L3MBTL1: variants seen among roughly 807,000 people sequenced by gnomAD.
L3MBTL1 encodes lethal(3)malignant brain tumor-like protein 1.
Under a neutral mutation model 105.3 loss-of-function variants are expected in L3MBTL1, and 75 were observed. The ratio of observed to expected loss-of-function variants is 0.71; its 90% CI spans 0.59 to 0.86. The LOEUF (loss-of-function observed/expected upper bound fraction) is 0.86. Among genes scored for constraint, L3MBTL1 ranks in the 40% least tolerant of loss-of-function variants. The pLI is 0.00. For synonymous variants in L3MBTL1, 452 were observed against 436.2 expected (o/e 1.04, Z -0.45); for missense variants, 1,069 against 1,126.4 (o/e 0.95, Z 0.73).
intron 7 of L3MBTL1, among the ~76,000 whole-genome samples, chr20:43,528,106 T>G (rs2019126504): frequency 6.6e-6 from 1 of 152,158 alleles, no homozygotes; most frequent in South Asian, 2.1e-4. Context: ...TTGGCCAGGC[T>G]GGTCTCGAAC....
At chr20:43,517,488 G>T (rs2018462547) in intron 7 of L3MBTL1, among the ~76,000 whole-genome samples, 1 of 151,660 alleles carries the variant, frequency 6.6e-6, no homozygotes, top group Non-Finnish European at 1.5e-5. Context: ...CTACAGCCTG[G>T]GACTCCTGGG....
chr20:43,534,857 T>G lies in L3MBTL1; in HGVS notation c.1740T>G (p.Tyr580Ter), dbSNP rs1306106472. ...ACTTTGATGGCTGGAGTCATGGCTA[T>G]GATTTCTGGATCGACGCTGACCACC... Reference protein sequence around the residue: ...KIHFDGWSHGYDFWIDADHPD... With the variant: ...KIHFDGWSHG Residue 580 changes from tyrosine (Y) to a stop codon, truncating the protein, a stop_gained, in exon 16 of 22, where the codon TAT (tyrosine) becomes TAG (stop). Coordinates refer to ENST00000418998, the MANE Select transcript of L3MBTL1 (RefSeq NM_001377303.1). LOFTEE classifies it high-confidence loss of function. 2 of 1,611,772 alleles carry G rather than the reference T, an allele frequency of 1.2e-6. No homozygotes were observed. Among genetic ancestry groups the G allele is most frequent in the Non-Finnish European group, 1.7e-6 (2 of 1,179,688 alleles).
chr20:43,536,316 G>T (rs1347935949), intron 18 of L3MBTL1, 22 bp downstream of exon 18: 7 of 1,612,036 alleles, frequency 4.3e-6, no homozygotes, highest in Non-Finnish European at 5.9e-6. Context: ...AGGGAATCAG[G>T]GCCCGGGCTT....
intron 7 of L3MBTL1, among the ~76,000 whole-genome samples, chr20:43,521,716 TA>T (rs1354737902): frequency 1.3e-5 from 2 of 152,210 alleles, no homozygotes; most frequent in Non-Finnish European, 2.9e-5. Flanking sequence ...TTAATTATTT[TA>T]TTTTTTATCA....
rs764337971 is a variant in L3MBTL1, at chr20:43,528,665, GAGA to G, written c.877_879del (p.Lys293del). The G allele has an allele frequency of 5.6e-6, 9 of 1,613,852 alleles. No homozygotes were observed. Among genetic ancestry groups the G allele is most frequent in the African/African-American group, 5.3e-5 (4 of 74,938 alleles). The stretch of plus-strand genomic sequence containing the variant: ...CTGTCCCCTTTCCACAGCAACAGGT[GAGA>G]AGAAGGAATGCTGGTCGTGGGAGTC... On this transcript the variant is annotated inframe_deletion, in exon 8 of 22. Transcript: ENST00000418998.
exon 19 of L3MBTL1, chr20:43,548,373 C>T: frequency 1.1e-6 from 1 of 896,234 alleles, no homozygotes. Context: ...CCAGGCTGGT[C>T]CTTCTTAGAG....
At chr20:43,530,685 A>G in intron 10 of L3MBTL1, 113 bp from the exon 11 acceptor site, 3 of 1,015,792 alleles carry the variant, frequency 3.0e-6, no homozygotes. Context: ...CAAGTTCTTG[A>G]GGGTTGGGGG....
intron 7 of L3MBTL1, 32 bp downstream of exon 7, chr20:43,516,209 T>G: frequency 6.5e-7 from 1 of 1,539,274 alleles, no homozygotes; most frequent in Non-Finnish European, 9.0e-7. Flanking sequence ...TATATTCGTG[T>G]GAGGTGTGTA....
chr20:43,537,517 C>T (rs2019692900), intron 19 of L3MBTL1, among the ~76,000 whole-genome samples: 2 of 152,140 alleles, frequency 1.3e-5, no homozygotes, highest in Admixed American at 1.3e-4. Context: ...TTTAAAGGCC[C>T]TTTTTCCAAA....
chr20:43,516,989 A>G (rs2018429026), intron 7 of L3MBTL1, among the ~76,000 whole-genome samples: 1 of 151,568 alleles, frequency 6.6e-6, no homozygotes, highest in Non-Finnish European at 1.5e-5. Flanking sequence ...AGAGATGGGG[A>G]TCTTACTTTG....
At chr20:43,548,057 C>CCCTTT in intron 18 of L3MBTL1, 2 of 1,286,854 alleles carry the variant, frequency 1.6e-6, no homozygotes, top group Non-Finnish European at 2.0e-6. Flanking sequence ...TCACCCCTGC[C>CCCTTT]CCGTGACCCT....
In L3MBTL1 at chr20:43,535,745, T is replaced by C. The variant is rs1008797200; in HGVS notation, c.1826-92T>C. On this transcript the variant is annotated intron_variant, in intron 16 of 21. Coordinates refer to ENST00000418998, the MANE Select transcript of L3MBTL1 (RefSeq NM_001377303.1). ...TCATCCTTGGGGAGTGGGTTTCTAG[T>C]GCTGATCTCCCCAGTGGAAACTGCT... The C allele has an allele frequency of 5.4e-4, 418 of 777,518 alleles. 3 individuals are homozygous for C. In the East Asian group the frequency reaches 8.9e-3, roughly 17 times the overall value. 48.2% of individuals were successfully genotyped at this position (777,518 alleles called of 1,614,324 possible).
chr20:43,546,854 A>G (rs1489325007), downstream of L3MBTL1, among the ~76,000 whole-genome samples: 3 of 152,212 alleles, frequency 2.0e-5, no homozygotes, highest in Non-Finnish European at 4.4e-5. Context: ...CATAACTTGC[A>G]TCTCTAAAAA....
At chr20:43,550,357 G>A (rs1978899797) in exon 19 of L3MBTL1, 1 of 152,222 alleles carries the variant, frequency 6.6e-6, no homozygotes, top group South Asian at 2.1e-4. Context: ...CTGTGGTGAA[G>A]GCAAGATGGA....
At chr20:43,519,665 G>C (rs1380310908) in intron 7 of L3MBTL1, among the ~76,000 whole-genome samples, 1 of 152,138 alleles carries the variant, frequency 6.6e-6, no homozygotes, top group Admixed American at 6.6e-5. Flanking sequence ...AGGTCTTGCT[G>C]TATTGCCCAG....
chr20:43,545,785 G>C (rs796165290), downstream of L3MBTL1, among the ~76,000 whole-genome samples: 1 of 152,352 alleles, frequency 6.6e-6, no homozygotes, highest in African/African-American at 2.4e-5. Context: ...TTAGCCATCA[G>C]AAGTGCCAGT....
intron 1 of L3MBTL1, among the ~76,000 whole-genome samples, chr20:43,511,213 G>A (rs1300846211): frequency 2.0e-5 from 3 of 152,102 alleles, no homozygotes; most frequent in African/African-American, 7.2e-5. Flanking sequence ...GCACCAAGCC[G>A]GCCCCATACA....
At chr20:43,522,457 G>GTTTTTTTTTTATT (rs2018770875) in intron 7 of L3MBTL1, among the ~76,000 whole-genome samples, 1 of 95,896 alleles carries the variant, frequency 1.0e-5, no homozygotes, top group Non-Finnish European at 1.9e-5. Flanking sequence ...TCCCTGCTAA[G>GTTTTTTTTTTATT]TTTTTTTTTT....
In L3MBTL1 at chr20:43,532,754, G is replaced by A. The variant is rs373780977; in HGVS notation, c.1285-19G>A. On this transcript the variant is annotated intron_variant, in intron 11 of 21. Coordinates refer to ENST00000418998, the MANE Select transcript of L3MBTL1 (RefSeq NM_001377303.1). ...AGCCAGCTTGGCCCTGGCCGTGGCA[G>A]CTCCTTTTTTTCCCCTAGAGTCCCC... The A allele has an allele frequency of 1.2e-6, 2 of 1,613,882 alleles. No individual in the cohort carries two copies. The highest frequency in any genetic ancestry group is 1.3e-5 in the African/African-American group (1 of 74,922).
Sources: gnomAD v4.1 joint callset for allele counts (sites outside exome capture counted in the v4.1 genomes callset) on GRCh38, gnomAD v4.1.1 for gene constraint, MANE v1.5 for transcripts, NCBI Gene and HGNC (gene_info 2026-07-23, HGNC 2026-07-21) for gene names.